Variants in GPR39 observed in about 807,000 individuals in gnomAD.
GPR39 encodes the protein G protein-coupled receptor 39, also known as zinc sensing receptor.
A neutral mutation model predicts 18.4 loss-of-function variants in GPR39; 23 were observed. That is an observed-to-expected ratio of 1.25 (90% confidence interval 0.90 to 1.77). The LOEUF is 1.77. Ranked by LOEUF, GPR39 falls within the 40% of genes most tolerant of loss-of-function variation. GPR39 has a pLI of 0.00. For missense variants in GPR39, 647 were observed against 602.4 expected (o/e 1.07, Z -0.78); for synonymous variants, 280 against 257.9 (o/e 1.09, Z -0.82).
intron 1 of GPR39, among the ~76,000 whole-genome samples, chr2:132,505,531 C>A (rs1452366261): frequency 1.3e-5 from 2 of 152,164 alleles, no homozygotes; most frequent in Admixed American, 1.3e-4. Context: ...CATTAACCAA[C>A]CTCTTTTATC....
chr2:132,442,260 C>T (rs1280449715), intron 1 of GPR39, among the ~76,000 whole-genome samples: 1 of 152,176 alleles, frequency 6.6e-6, no homozygotes, highest in African/African-American at 2.4e-5. Flanking sequence ...AGAGTGGTGA[C>T]TGATCACTCC....
intron 1 of GPR39, among the ~76,000 whole-genome samples, chr2:132,630,956 G>A (rs930940339): frequency 6.6e-6 from 1 of 152,168 alleles, no homozygotes; most frequent in East Asian, 1.9e-4. Flanking sequence ...AGCTCTCCAA[G>A]CTGTGATGTT....
chr2:132,541,409 C>A (rs1465645718), intron 1 of GPR39, among the ~76,000 whole-genome samples: 1 of 152,112 alleles, frequency 6.6e-6, no homozygotes, highest in Non-Finnish European at 1.5e-5. Context: ...TATAACAAGC[C>A]TGAGCCTGGG....
chr2:132,606,403 T>C (rs2104845943), intron 1 of GPR39, among the ~76,000 whole-genome samples: 1 of 152,370 alleles, frequency 6.6e-6, no homozygotes, highest in Non-Finnish European at 1.5e-5. Context: ...CAGAGTTCTT[T>C]TATCCCTCTT....
At chr2:132,438,387 G>T (rs1235134928) in intron 1 of GPR39, among the ~76,000 whole-genome samples, 2 of 152,044 alleles carry the variant, frequency 1.3e-5, no homozygotes, top group Non-Finnish European at 2.9e-5. Context: ...TCCTGTCTTA[G>T]CTTCCCAAGT....
chr2:132,494,223 T>C (rs2104799104), intron 1 of GPR39, among the ~76,000 whole-genome samples: 1 of 152,284 alleles, frequency 6.6e-6, no homozygotes, highest in African/African-American at 2.4e-5. Flanking sequence ...GGGGACCTTA[T>C]AAAAATGGTC....
intron 1 of GPR39, among the ~76,000 whole-genome samples, chr2:132,615,166 C>CA (rs1681313501): frequency 6.6e-6 from 1 of 152,156 alleles, no homozygotes; most frequent in Non-Finnish European, 1.5e-5. Context: ...AAGGTCTAGT[C>CA]AGAGCTTGGG....
At chr2:132,498,203 A>G (rs980687970) in intron 1 of GPR39, among the ~76,000 whole-genome samples, 3 of 152,158 alleles carry the variant, frequency 2.0e-5, no homozygotes, top group Admixed American at 2.0e-4. Flanking sequence ...ACCAGTGTAC[A>G]CTGTACCCAC....
chr2:132,444,598 T>C, intron 1 of GPR39, among the ~76,000 whole-genome samples: 1 of 152,210 alleles, frequency 6.6e-6, no homozygotes, highest in East Asian at 1.9e-4. Flanking sequence ...TGAGATTTTA[T>C]TCTAACACTG....
intron 1 of GPR39, among the ~76,000 whole-genome samples, chr2:132,505,787 A>G (rs1679125541): frequency 6.6e-6 from 1 of 152,212 alleles, no homozygotes; most frequent in Non-Finnish European, 1.5e-5. Flanking sequence ...ACATTTTTAA[A>G]AATCCATTCA....
intron 1 of GPR39, among the ~76,000 whole-genome samples, chr2:132,548,120 C>G (rs897936774): frequency 6.6e-6 from 1 of 152,180 alleles, no homozygotes; most frequent in African/African-American, 2.4e-5. Flanking sequence ...TCCTCCCCTT[C>G]CCTGTCTTTC....
chr2:132,451,869 C>A (rs953777685), intron 1 of GPR39, among the ~76,000 whole-genome samples: 1 of 152,080 alleles, frequency 6.6e-6, no homozygotes, highest in Non-Finnish European at 1.5e-5. Flanking sequence ...TAGTCTTAGT[C>A]CTACATTTAA....
chr2:132,515,490 G>A (rs183410181), intron 1 of GPR39, among the ~76,000 whole-genome samples: 117 of 152,246 alleles, frequency 7.7e-4, no homozygotes, highest in Non-Finnish European at 1.4e-3. Flanking sequence ...CCTGTCCCAC[G>A]TGTGATGTTT....
At chr2:132,466,916 G>T (rs934901878) in intron 1 of GPR39, among the ~76,000 whole-genome samples, 13 of 152,128 alleles carry the variant, frequency 8.5e-5, no homozygotes, top group Admixed American at 8.5e-4. Context: ...CCACACTAGA[G>T]TGTGAACTGA....
chr2:132,531,501 G>A (rs2104776033), intron 1 of GPR39, among the ~76,000 whole-genome samples: 1 of 152,240 alleles, frequency 6.6e-6, no homozygotes, highest in South Asian at 2.1e-4. Context: ...GCACCAAGTG[G>A]ACCTAATAGA....
chr2:132,451,460 CAAT>C (rs1274098631), intron 1 of GPR39, among the ~76,000 whole-genome samples: 1 of 152,112 alleles, frequency 6.6e-6, no homozygotes, highest in African/African-American at 2.4e-5. Flanking sequence ...ATTAGGCACT[CAAT>C]AAATATTCAT....
At chr2:132,528,806 G>GT (rs1366393281) in intron 1 of GPR39, among the ~76,000 whole-genome samples, 13 of 152,302 alleles carry the variant, frequency 8.5e-5, no homozygotes, top group East Asian at 1.9e-4. Context: ...CTTTGCTGAA[G>GT]TTTTTTATCA....
chr2:132,606,667 T>A (rs1681143268), intron 1 of GPR39, among the ~76,000 whole-genome samples: 1 of 152,218 alleles, frequency 6.6e-6, no homozygotes, highest in African/African-American at 2.4e-5. Context: ...GGCAGAGGGC[T>A]TTCTGTATCC....
chr2:132,494,813 TATCCAGA>T (rs1681607859), intron 1 of GPR39, among the ~76,000 whole-genome samples: 1 of 152,224 alleles, frequency 6.6e-6, no homozygotes, highest in Admixed American at 6.5e-5. Flanking sequence ...TTGTTTTTCT[TATCCAGA>T]GTGCAGTTTC....
Sources: allele counts gnomAD v4.1 joint callset (sites outside exome capture counted in the v4.1 genomes callset), GRCh38; gene constraint gnomAD v4.1.1; transcripts MANE v1.5; gene names NCBI Gene and HGNC (gene_info 2026-07-23, HGNC 2026-07-21).